DNMBP: variants seen among roughly 807,000 people sequenced by gnomAD.
DNMBP encodes the protein dynamin binding protein.
In DNMBP, 87 loss-of-function variants were observed where a neutral mutation model predicts 150.0. The ratio of observed to expected loss-of-function variants is 0.58; its 90% CI spans 0.49 to 0.69. The LOEUF (loss-of-function observed/expected upper bound fraction) is 0.69, where lower values mean the gene tolerates loss of function less well. Among genes scored for constraint, DNMBP ranks in the 30% least tolerant of loss-of-function variants. The probability of loss-of-function intolerance (pLI) is 0.00; values close to 1 mark genes in which losing one functional copy is unlikely to be tolerated. For synonymous variants in DNMBP, 711 were observed against 750.4 expected (o/e 0.95, Z 0.86); for missense variants, 1,774 against 1,949.0 (o/e 0.91, Z 1.69).
chr10:99,884,746 TA>T (rs2039430589), intron 14 of DNMBP, among the ~76,000 whole-genome samples: 1 of 151,954 alleles, frequency 6.6e-6, no homozygotes, highest in South Asian at 2.1e-4. Flanking sequence ...CTGTCTCTAC[TA>T]AAAATACAAT....
chr10:99,905,485 A>G (rs578115552), intron 6 of DNMBP, among the ~76,000 whole-genome samples: 21 of 152,250 alleles, frequency 1.4e-4, no homozygotes, highest in Non-Finnish European at 2.8e-4. Context: ...TCACACCTGT[A>G]ATCTTGCAGT....
intron 15 of DNMBP, among the ~76,000 whole-genome samples, chr10:99,883,724 A>G (rs2039406819): frequency 6.6e-6 from 1 of 151,144 alleles, no homozygotes; most frequent in South Asian, 2.1e-4. Context: ...AAGAAGGAAC[A>G]GGATTCCGTG....
intron 11 of DNMBP, among the ~76,000 whole-genome samples, chr10:99,891,164 C>T (rs537693592): frequency 8.8e-5 from 13 of 148,484 alleles, no homozygotes; most frequent in South Asian, 4.3e-4. Context: ...CTCTCCCTCT[C>T]CCCCTCTCCC....
chr10:99,962,793 T>C (rs1217665001), intron 3 of DNMBP, among the ~76,000 whole-genome samples: 1 of 152,242 alleles, frequency 6.6e-6, no homozygotes, highest in African/African-American at 2.4e-5. Flanking sequence ...ACTCCCACTC[T>C]GCTGGCTTTG....
At chr10:99,946,210 G>T (rs1380542808) in intron 4 of DNMBP, among the ~76,000 whole-genome samples, 1 of 152,140 alleles carries the variant, frequency 6.6e-6, no homozygotes, top group African/African-American at 2.4e-5. Flanking sequence ...CATCCGCCTC[G>T]GCCTCCCAGA....
Position 99,884,017 on chromosome 10 carries a change from T to C in DNMBP, c.3991A>G (p.Asn1331Asp), listed in dbSNP as rs2039412995. The C allele has an allele frequency of 1.2e-6, 2 of 1,613,822 alleles. No homozygotes were observed. Among genetic ancestry groups the C allele is most frequent in the Non-Finnish European group, 1.7e-6 (2 of 1,179,946 alleles). The change falls in exon 15 of 17, where the codon AAT becomes GAT. Residue 1331 changes from asparagine to aspartate, a missense_variant. By Grantham distance (23) the Asn-to-Asp change is conservative. Coordinates refer to ENST00000324109, the MANE Select transcript of DNMBP (RefSeq NM_015221.4). ...TGCTGCTTAAAATTCTTACCTCCAT[T>C]GTCAATCAGCCAGCGGTTCTGGCTG... ...MGSQNRWLID[N>D]GVTKGFVYSS...
intron 4 of DNMBP, chr10:99,914,232 C>A: frequency 2.7e-6 from 2 of 750,518 alleles, no homozygotes; most frequent in East Asian, 3.4e-5. Context: ...ACCTTCCTTT[C>A]TATTTGGTGT....
chr10:99,892,190 C>T (rs1270596399), intron 11 of DNMBP, among the ~76,000 whole-genome samples: 1 of 149,162 alleles, frequency 6.7e-6, no homozygotes, highest in Non-Finnish European at 1.5e-5. Flanking sequence ...AGCCCCCTGC[C>T]CGGCCAGCCG....
At chr10:99,998,931 T>G (rs2040981692) in intron 1 of DNMBP, among the ~76,000 whole-genome samples, 1 of 152,254 alleles carries the variant, frequency 6.6e-6, no homozygotes, top group Non-Finnish European at 1.5e-5. Context: ...TATTCATTTT[T>G]GTACATTTTA....
At chr10:99,924,220 G>A (rs530507239) in intron 4 of DNMBP, among the ~76,000 whole-genome samples, 1 of 150,040 alleles carries the variant, frequency 6.7e-6, no homozygotes, top group Non-Finnish European at 1.5e-5. Context: ...GGTGGATCAC[G>A]AGGTCAGGAG....
At chr10:99,897,435 A>G (rs555022813) in intron 9 of DNMBP, among the ~76,000 whole-genome samples, 5 of 152,268 alleles carry the variant, frequency 3.3e-5, no homozygotes, top group African/African-American at 9.6e-5. Flanking sequence ...AGACACTTAG[A>G]AAAAAGTCTA....
chr10:100,006,873 G>A (rs1439720427), intron 1 of DNMBP, among the ~76,000 whole-genome samples: 1 of 152,176 alleles, frequency 6.6e-6, no homozygotes, highest in East Asian at 1.9e-4. Flanking sequence ...CAGCACTTTG[G>A]GAGGCCAAGG....
intron 6 of DNMBP, among the ~76,000 whole-genome samples, chr10:99,904,726 A>T (rs2039799658): frequency 6.6e-6 from 1 of 152,180 alleles, no homozygotes; most frequent in Admixed American, 6.5e-5. Context: ...AACACATCGA[A>T]GCCTGCTACC....
intron 11 of DNMBP, among the ~76,000 whole-genome samples, chr10:99,892,304 G>C (rs1197516897): frequency 6.7e-6 from 1 of 148,156 alleles, no homozygotes; most frequent in Admixed American, 6.7e-5. Context: ...TGGCGGCTTT[G>C]TGGAATAGAA....
At chr10:99,958,831 A>G (rs1263651297) in intron 3 of DNMBP, among the ~76,000 whole-genome samples, 1 of 152,238 alleles carries the variant, frequency 6.6e-6, no homozygotes, top group East Asian at 1.9e-4. Flanking sequence ...AGATAGATTA[A>G]TGAATTTTAG....
intron 12 of DNMBP, among the ~76,000 whole-genome samples, chr10:99,887,113 G>A (rs2039480067): frequency 6.6e-6 from 1 of 150,698 alleles, no homozygotes; most frequent in African/African-American, 2.4e-5. Flanking sequence ...TTTTGAGACG[G>A]AGTCTTGCTC....
At chr10:100,000,673 C>T (rs181709838) in intron 1 of DNMBP, among the ~76,000 whole-genome samples, 9 of 152,098 alleles carry the variant, frequency 5.9e-5, no homozygotes, top group Non-Finnish European at 1.3e-4. Context: ...CACAGTGTGG[C>T]TTCTTTACAG....
At chr10:99,964,269 G>A (rs569628141) in intron 3 of DNMBP, among the ~76,000 whole-genome samples, 42 of 148,374 alleles carry the variant, frequency 2.8e-4, no homozygotes, top group African/African-American at 9.2e-4. Flanking sequence ...TCAGCCTCCC[G>A]AGGAGCTGGG....
Position 99,908,036 on chromosome 10 carries a change from G to C in DNMBP, c.2513C>G (p.Ser838Trp). 6.2e-7 allele frequency: 1 copy of C among 1,613,998 alleles called. No individual in the cohort carries two copies. Among genetic ancestry groups the C allele is most frequent in the Non-Finnish European group, 8.5e-7 (1 of 1,179,944 alleles). Residue 838 changes from serine to tryptophan, a missense_variant, in exon 6 of 17, where the codon TCG (serine) becomes TGG (tryptophan). Coordinates refer to ENST00000324109, the MANE Select transcript of DNMBP (RefSeq NM_015221.4). Reference sequence around the variant, plus strand: ...TTCCAGAGCAGCCAATAATTGCTTCGAGACCTTAATCACCATCTGCATATT... The same window carrying C: ...TTCCAGAGCAGCCAATAATTGCTTCCAGACCTTAATCACCATCTGCATATT... ...FGNMQMVIKV[S>W]KQLLAALEIS...
Sources: gnomAD v4.1 joint callset for allele counts (sites outside exome capture counted in the v4.1 genomes callset) on GRCh38, gnomAD v4.1.1 for gene constraint, MANE v1.5 for transcripts, NCBI Gene and HGNC (gene_info 2026-07-23, HGNC 2026-07-21) for gene names.